The following ZNF521 variants were observed in gnomAD, a reference collection of about 807,000 sequenced individuals.
The protein encoded by ZNF521 is zinc finger protein 521, also known as LYST-interacting protein 3.
In ZNF521, 14 loss-of-function variants were observed where a neutral mutation model predicts 105.5. The ratio of observed to expected loss-of-function variants is 0.13; its 90% CI spans 0.09 to 0.21. The LOEUF (loss-of-function observed/expected upper bound fraction) is 0.21. Ranked by LOEUF, ZNF521 falls within the 10% of genes least tolerant of loss-of-function variation. The probability of loss-of-function intolerance (pLI) is 1.00; values close to 1 mark genes in which losing one functional copy is unlikely to be tolerated. For missense variants in ZNF521, 1,233 were observed against 1,629.7 expected (o/e 0.76, Z 4.19); for synonymous variants, 635 against 606.0 (o/e 1.05, Z -0.70).
chr18:25,125,737 T>C (rs892004983), intron 5 of ZNF521, among the ~76,000 whole-genome samples: 1 of 133,836 alleles, frequency 7.5e-6, no homozygotes, highest in Non-Finnish European at 1.7e-5. Context: ...TTTTTTTTTT[T>C]AAATACTATA....
intron 3 of ZNF521, among the ~76,000 whole-genome samples, chr18:25,260,825 G>A (rs1908856286): frequency 6.6e-6 from 1 of 152,076 alleles, no homozygotes; most frequent in Admixed American, 6.6e-5. Flanking sequence ...AAATACTGAT[G>A]CACGTGGAAA....
At chr18:25,202,392 C>T (rs185350187) in intron 4 of ZNF521, 3 of 152,206 alleles carry the variant, frequency 2.0e-5, no homozygotes, top group Admixed American at 2.0e-4. Flanking sequence ...ATCTAGAGAT[C>T]ATTTAAAGTA....
At chr18:25,214,621 A>G (rs2036249351) in intron 4 of ZNF521, among the ~76,000 whole-genome samples, 1 of 152,152 alleles carries the variant, frequency 6.6e-6, no homozygotes, top group African/African-American at 2.4e-5. Flanking sequence ...TTTAATTTCT[A>G]TATTATGCCT....
At chr18:25,282,544 G>A (rs1428968845) in intron 3 of ZNF521, among the ~76,000 whole-genome samples, 1 of 152,124 alleles carries the variant, frequency 6.6e-6, no homozygotes, top group Non-Finnish European at 1.5e-5. Flanking sequence ...TAAAGTGTGA[G>A]CTTGCACATG....
intron 5 of ZNF521, among the ~76,000 whole-genome samples, chr18:25,132,170 A>G (rs1037708401): frequency 1.1e-4 from 16 of 152,138 alleles, no homozygotes; most frequent in Non-Finnish European, 2.1e-4. Flanking sequence ...TACTGGGAAC[A>G]TTTTTCTGGG....
At chr18:25,170,417 AT>A (rs2035427059) in intron 5 of ZNF521, among the ~76,000 whole-genome samples, 1 of 152,098 alleles carries the variant, frequency 6.6e-6, no homozygotes, top group South Asian at 2.1e-4. Flanking sequence ...CAAATACAAC[AT>A]CTTTGTCCTT....
intron 7 of ZNF521, among the ~76,000 whole-genome samples, chr18:25,088,556 C>G: frequency 6.6e-6 from 1 of 152,118 alleles, no homozygotes. Context: ...TTCTCCTCCA[C>G]GGGAACCAAT....
At chr18:25,281,664 CA>C (rs1198471924) in intron 3 of ZNF521, among the ~76,000 whole-genome samples, 1 of 152,120 alleles carries the variant, frequency 6.6e-6, no homozygotes, top group East Asian at 1.9e-4. Context: ...TACAGAAGCA[CA>C]AAGAGTTAGT....
At chr18:25,303,500 G>T (rs1911777966) in intron 3 of ZNF521, among the ~76,000 whole-genome samples, 1 of 152,050 alleles carries the variant, frequency 6.6e-6, no homozygotes, top group Non-Finnish European at 1.5e-5. Flanking sequence ...GTTTCACTAT[G>T]TTGGCCAGGC....
chr18:25,104,365 C>T (rs186942429), intron 5 of ZNF521, among the ~76,000 whole-genome samples: 169 of 152,262 alleles, frequency 1.1e-3, no homozygotes, highest in African/African-American at 3.8e-3. Flanking sequence ...CTCTGTTTTG[C>T]CTTGCATGAT....
At chr18:25,167,718 T>C (rs1265683693) in intron 5 of ZNF521, among the ~76,000 whole-genome samples, 2 of 152,168 alleles carry the variant, frequency 1.3e-5, no homozygotes, top group Admixed American at 6.5e-5. Flanking sequence ...TAAAAATTTA[T>C]GATACAAACT....
chr18:25,348,626 C>T (rs963518528), intron 2 of ZNF521, among the ~76,000 whole-genome samples: 1 of 152,044 alleles, frequency 6.6e-6, no homozygotes, highest in Non-Finnish European at 1.5e-5. Flanking sequence ...GTGTTCCGCG[C>T]CCACACAGAA....
chr18:25,268,368 T>C (rs1909416338), intron 3 of ZNF521, among the ~76,000 whole-genome samples: 1 of 152,186 alleles, frequency 6.6e-6, no homozygotes. Context: ...CTTCAGGATA[T>C]TAATCAGGAG....
At chr18:25,247,121 C>G (rs533259920) in intron 3 of ZNF521, among the ~76,000 whole-genome samples, 1 of 152,216 alleles carries the variant, frequency 6.6e-6, no homozygotes, top group South Asian at 2.1e-4. Context: ...AGAAGAGGCA[C>G]AGCAGATACA....
intron 5 of ZNF521, among the ~76,000 whole-genome samples, chr18:25,117,004 CAT>C (rs1407450840): frequency 1.4e-4 from 18 of 125,992 alleles, no homozygotes; most frequent in South Asian, 7.7e-4. Flanking sequence ...CATATATATA[CAT>C]ACACACACAC....
At chr18:25,346,126 A>G (rs1914452062) in intron 2 of ZNF521, among the ~76,000 whole-genome samples, 1 of 152,198 alleles carries the variant, frequency 6.6e-6, no homozygotes, top group African/African-American at 2.4e-5. Flanking sequence ...TCTTAAAAGC[A>G]AAGCACTGCA....
chr18:25,140,886 T>C (rs756327847), intron 5 of ZNF521, among the ~76,000 whole-genome samples: 3 of 152,184 alleles, frequency 2.0e-5, no homozygotes, highest in Non-Finnish European at 4.4e-5. Context: ...ATCAAAGGCC[T>C]GCTTAACATT....
Position 25,232,565 on chromosome 18 carries a change from AGATAAATAGCTGGT to A in ZNF521, c.221-4882_221-4869del, listed in dbSNP as rs1256141699. 2.4e-4 allele frequency among the ~76,000 whole-genome samples: 36 copies of A among 152,366 alleles called. 1 individual carries two copies. The highest frequency in any genetic ancestry group is 2.4e-3 in the Admixed American group (36 of 15,310). ...TATACGCAGCTAGCAAGAAAATAAA[AGATAAATAGCTGGT>A]GATACCTAAATGTTAATAGACCATA... On this transcript the variant is annotated intron_variant, in intron 3 of 7. Coordinates refer to ENST00000361524, the MANE Select transcript of ZNF521 (RefSeq NM_015461.3).
At chr18:25,344,204 T>TTAAA (rs371504887) in intron 2 of ZNF521, among the ~76,000 whole-genome samples, 3 of 141,322 alleles carry the variant, frequency 2.1e-5, no homozygotes, top group African/African-American at 2.6e-5. Flanking sequence ...AGTTTTTTAT[T>TTAAA]AAAAAAAAAA....
Sources: gnomAD v4.1 joint callset for allele counts (sites outside exome capture counted in the v4.1 genomes callset) on GRCh38, gnomAD v4.1.1 for gene constraint, MANE v1.5 for transcripts, NCBI Gene and HGNC (gene_info 2026-07-23, HGNC 2026-07-21) for gene names.